Variants in PALM2AKAP2 observed in about 807,000 individuals in gnomAD.
PALM2AKAP2 encodes the protein PALM2-AKAP2 fusion protein.
In PALM2AKAP2, 37 loss-of-function variants were observed where a neutral mutation model predicts 71.5. That is an observed-to-expected ratio of 0.52 (90% confidence interval 0.40 to 0.68). The LOEUF is 0.68. PALM2AKAP2 is among the 30% of genes least tolerant of loss of function. The pLI, the probability that PALM2AKAP2 is intolerant of heterozygous loss-of-function variation, is 0.00. For synonymous variants in PALM2AKAP2, 468 were observed against 478.8 expected (o/e 0.98, Z 0.29); for missense variants, 1,224 against 1,191.8 (o/e 1.03, Z -0.40).
At chr9:109,934,901 G>A (rs1382726875) in intron 6 of PALM2AKAP2, among the ~76,000 whole-genome samples, 1 of 152,178 alleles carries the variant, frequency 6.6e-6, no homozygotes, top group East Asian at 1.9e-4. Context: ...AAATAAGCAT[G>A]AGCTATGCAC....
At chr9:109,694,837 A>C (rs1053499602) in intron 1 of PALM2AKAP2, among the ~76,000 whole-genome samples, 5 of 152,092 alleles carry the variant, frequency 3.3e-5, no homozygotes, top group Non-Finnish European at 5.9e-5. Flanking sequence ...TGAAAAAGTC[A>C]ATGAAAAAGA....
chr9:110,129,811 G>T (rs1835694653), intron 1 of PALM2AKAP2, among the ~76,000 whole-genome samples: 1 of 152,162 alleles, frequency 6.6e-6, no homozygotes, highest in African/African-American at 2.4e-5. Context: ...GGAGCCCCAG[G>T]TCTGGGTGGT....
At chr9:109,913,152 A>G (rs1439234763) in intron 3 of PALM2AKAP2, among the ~76,000 whole-genome samples, 1 of 152,164 alleles carries the variant, frequency 6.6e-6, no homozygotes, top group Admixed American at 6.5e-5. Context: ...CCCCACACTC[A>G]CTTCTGAACC....
At chr9:110,005,142 C>T (rs2132293774) in intron 6 of PALM2AKAP2, among the ~76,000 whole-genome samples, 1 of 152,128 alleles carries the variant, frequency 6.6e-6, no homozygotes, top group African/African-American at 2.4e-5. Context: ...CTGTTTTTTC[C>T]CCATCTTTGT....
intron 1 of PALM2AKAP2, among the ~76,000 whole-genome samples, chr9:109,790,690 A>G (rs1363048899): frequency 1.3e-5 from 2 of 152,188 alleles, no homozygotes; most frequent in African/African-American, 4.8e-5. Context: ...TTCCCCAGGC[A>G]CCTGATTGGC....
chr9:110,052,908 G>A (rs260222), intron 1 of PALM2AKAP2, among the ~76,000 whole-genome samples: 111,055 of 152,076 alleles, frequency 0.73, 40,927 homozygotes, highest in African/African-American at 0.83. Context: ...TTAGAAAACT[G>A]AAACCTCCAG....
rs73539479 is a variant in PALM2AKAP2 at position 109,972,790 on chromosome 9, C to T, written c.496+40762C>T. ...AACATTACCTTGCCCCTGGGTACCA[C>T]GTGACTTTTGTCTCCCTATATCTCC... On this transcript the variant is annotated intron_variant, in intron 6 of 9. Transcript: ENST00000302798. 2.7e-3 allele frequency among the ~76,000 whole-genome samples: 416 copies of T among 152,254 alleles called. 2 individuals carry two copies. The highest frequency in any genetic ancestry group is 9.6e-3 in the African/African-American group (401 of 41,566).
chr9:109,973,732 G>C (rs1360394374), intron 6 of PALM2AKAP2, among the ~76,000 whole-genome samples: 1 of 152,190 alleles, frequency 6.6e-6, no homozygotes, highest in Non-Finnish European at 1.5e-5. Context: ...AACTCTGTGA[G>C]GTAGGTATTA....
At chr9:110,132,610 G>A (rs531687374) in intron 1 of PALM2AKAP2, among the ~76,000 whole-genome samples, 86 of 144,726 alleles carry the variant, frequency 5.9e-4, no homozygotes, top group Admixed American at 4.7e-3. Flanking sequence ...GATTACAGGC[G>A]TGAGCCACCA....
chr9:109,829,523 G>A (rs1828241973), intron 1 of PALM2AKAP2, among the ~76,000 whole-genome samples: 1 of 151,930 alleles, frequency 6.6e-6, no homozygotes, highest in Non-Finnish European at 1.5e-5. Flanking sequence ...TATGAATAGA[G>A]GATAAAAACA....
intron 2 of PALM2AKAP2, among the ~76,000 whole-genome samples, chr9:110,138,907 G>A (rs1835962403): frequency 6.6e-6 from 1 of 152,178 alleles, no homozygotes; most frequent in South Asian, 2.1e-4. Context: ...GGACTATGTT[G>A]GAATCAGTAG....
intron 1 of PALM2AKAP2, among the ~76,000 whole-genome samples, chr9:109,837,849 C>A (rs1354824949): frequency 6.6e-6 from 1 of 152,150 alleles, no homozygotes; most frequent in African/African-American, 2.4e-5. Context: ...TATATATGCA[C>A]CCAATACAGG....
intron 1 of PALM2AKAP2, among the ~76,000 whole-genome samples, chr9:109,857,661 A>G (rs909979180): frequency 1.9e-4 from 29 of 152,180 alleles, no homozygotes; most frequent in African/African-American, 6.5e-4. Flanking sequence ...TTTTCATGGT[A>G]AAGTACTCTG....
Position 109,691,833 on chromosome 9 carries a change from GATATATATATAT to G in PALM2AKAP2, c.5+50991_5+51002del, listed in dbSNP as rs1185965530. On this transcript the variant is annotated intron_variant, in intron 1 of 6. Coordinates refer to the PALM2AKAP2 transcript ENST00000374531. ...TATCAATTTTCCAATCCAGAAAGAC[GATATATATATAT>G]ATATATATATATATATATATATACA... is the stretch of plus-strand genomic sequence containing the variant. Among the ~76,000 whole-genome samples, 8 of 36,040 alleles carry G rather than the reference GATATATATATAT, an allele frequency of 2.2e-4. No individual in the cohort carries two copies. In the East Asian group the frequency reaches 4.8e-3, roughly 22 times the overall value. 23.6% of individuals were successfully genotyped at this position (36,040 alleles called of 152,430 possible). A position where few individuals can be genotyped will look rare whatever the true frequency, so the allele number is the denominator to read the frequency against.
At chr9:109,720,578 A>G (rs1828390378) in intron 1 of PALM2AKAP2, among the ~76,000 whole-genome samples, 1 of 152,248 alleles carries the variant, frequency 6.6e-6, no homozygotes, top group South Asian at 2.1e-4. Context: ...AGCCAAGGAT[A>G]AAGCTCAGGG....
chr9:109,949,297 C>T (rs1831582170), intron 6 of PALM2AKAP2, among the ~76,000 whole-genome samples: 1 of 152,190 alleles, frequency 6.6e-6, no homozygotes, highest in Non-Finnish European at 1.5e-5. Context: ...CCAACTGGAT[C>T]TGGGAGCATA....
intron 1 of PALM2AKAP2, among the ~76,000 whole-genome samples, chr9:110,082,667 A>G (rs1375923612): frequency 6.6e-6 from 1 of 152,222 alleles, no homozygotes; most frequent in East Asian, 1.9e-4. Flanking sequence ...AATGATACAA[A>G]GAGAATTTTT....
intron 6 of PALM2AKAP2, among the ~76,000 whole-genome samples, chr9:109,990,024 A>G (rs1213724334): frequency 1.3e-5 from 2 of 151,748 alleles, no homozygotes; most frequent in African/African-American, 4.8e-5. Context: ...TATGTTTACC[A>G]CTGTTCCACT....
At chr9:109,702,840 A>G (rs1416723319) in intron 1 of PALM2AKAP2, among the ~76,000 whole-genome samples, 18 of 147,652 alleles carry the variant, frequency 1.2e-4, no homozygotes, top group Non-Finnish European at 2.7e-4. Flanking sequence ...TTTTTTTGAG[A>G]CAGAGTCTCA....
Sources: allele counts gnomAD v4.1 joint callset (sites outside exome capture counted in the v4.1 genomes callset), GRCh38; gene constraint gnomAD v4.1.1; transcripts MANE v1.5; gene names NCBI Gene and HGNC (gene_info 2026-07-23, HGNC 2026-07-21).